The following ITSN2 variants were observed in gnomAD, a reference collection of about 807,000 sequenced individuals.
The protein encoded by ITSN2 is intersectin-2.
ITSN2 carries 156 observed loss-of-function variants against 243.7 expected under a neutral mutation model. The observed-to-expected ratio is 0.64, with a 90% CI of 0.56 to 0.73. The LOEUF (loss-of-function observed/expected upper bound fraction) is 0.73, where lower values mean the gene tolerates loss of function less well. ITSN2 is among the 30% of genes least tolerant of loss of function. ITSN2 has a pLI of 0.00. For synonymous variants in ITSN2, 703 were observed against 699.9 expected, an observed-to-expected ratio of 1.00 and a Z score of -0.07; for missense variants, 1,801 against 1,996.1, an observed-to-expected ratio of 0.90 and a Z score of 1.86.
At chr2:24,303,745 T>C in intron 9 of ITSN2, 54 bp downstream of exon 9, 1 of 1,102,906 alleles carries the variant, frequency 9.1e-7, no homozygotes, top group Non-Finnish European at 1.4e-6. Context: ...AGAGAGAGTT[T>C]AATTAATTAA....
At chr2:24,323,473 A>C (rs1165593915) in intron 2 of ITSN2, among the ~76,000 whole-genome samples, 1 of 152,228 alleles carries the variant, frequency 6.6e-6, no homozygotes, top group Non-Finnish European at 1.5e-5. Context: ...GAAGCCAGAC[A>C]CCAAAGGCTA....
At chr2:24,264,375 C>T (rs910058648) in intron 20 of ITSN2, among the ~76,000 whole-genome samples, 2 of 147,808 alleles carry the variant, frequency 1.4e-5, no homozygotes, top group Non-Finnish European at 3.0e-5. Context: ...GCAACAAGAG[C>T]GAAACTCTGT....
At chr2:24,305,327 C>T (rs1393408457) in intron 8 of ITSN2, among the ~76,000 whole-genome samples, 1 of 152,036 alleles carries the variant, frequency 6.6e-6, no homozygotes, top group Non-Finnish European at 1.5e-5. Flanking sequence ...AGTGGACAGG[C>T]GCGGTAGCTC....
At chr2:24,307,433 T>C (rs1682696850) in intron 8 of ITSN2, among the ~76,000 whole-genome samples, 3 of 152,024 alleles carry the variant, frequency 2.0e-5, no homozygotes, top group South Asian at 4.1e-4. Flanking sequence ...TTATGTAATA[T>C]GAAATACATG....
At chr2:24,206,357 T>TG (rs940716389) in intron 37 of ITSN2, 12 of 356,096 alleles carry the variant, frequency 3.4e-5, no homozygotes, top group East Asian at 2.2e-4. Flanking sequence ...GCAGGCTGCA[T>TG]GGGGGGGCCC....
Position 24,252,501 on chromosome 2 carries a change from T to G in ITSN2, c.2964A>C (p.Ala988=), listed in dbSNP as rs781649156. 6.8e-6 allele frequency: 11 copies of G among 1,610,072 alleles called. No homozygotes were observed. The African/African-American group carries it at 1.5e-4, about 22-fold the overall frequency. ...GTTCCACACTTGAATATGGATAAAG[T>G]GCAATATATTCTGTAGGGAACAAAG... ...AAYSVGEEYI[A]LYPYSSVEPG... is the part of the protein sequence containing the mutation. The change falls in exon 25 of 40, where the codon GCA becomes GCC. Residue 988 remains alanine (A), a synonymous_variant. Transcript: ENST00000355123.
chr2:24,243,969 T>C (rs1177588675), intron 29 of ITSN2, among the ~76,000 whole-genome samples: 6 of 152,234 alleles, frequency 3.9e-5, no homozygotes, highest in Non-Finnish European at 7.3e-5. Flanking sequence ...GACTGTTTTC[T>C]GTATTGCATA....
At chr2:24,347,947 G>A (rs1034909359) in intron 1 of ITSN2, among the ~76,000 whole-genome samples, 2 of 151,880 alleles carry the variant, frequency 1.3e-5, no homozygotes, top group African/African-American at 4.8e-5. Context: ...TGGGTGGTGT[G>A]CATCTATAGT....
At chr2:24,317,978 G>T (rs537974489) in intron 2 of ITSN2, among the ~76,000 whole-genome samples, 27 of 152,090 alleles carry the variant, frequency 1.8e-4, no homozygotes, top group African/African-American at 6.3e-4. Flanking sequence ...AGCAGTTTTA[G>T]GTTCACGGCA....
chr2:24,327,998 CAAAAA>C, intron 2 of ITSN2, 49 bp downstream of exon 2: 2 of 1,246,822 alleles, frequency 1.6e-6, no homozygotes, highest in South Asian at 1.4e-5. Flanking sequence ...AAACCTCTAC[CAAAAA>C]AAAAAAAAAT....
Position 24,202,923 on chromosome 2 carries a change from T to TAAAG in ITSN2, c.*699_*702dup, listed in dbSNP as rs1481102529. On this transcript the variant is annotated 3_prime_UTR_variant, in exon 40 of 40. Transcript: ENST00000355123. ...TGTACATATGGGCAATGATAAAGCT[T>TAAAG]AAAGATGCATGTCCTAAGAAATATG... The TAAAG allele has an allele frequency of 1.3e-5, 2 of 152,634 alleles. No homozygotes were observed. Among genetic ancestry groups the TAAAG allele is most frequent in the African/African-American group, 4.8e-5 (2 of 41,444 alleles). 9.5% of individuals were successfully genotyped at this position (152,634 alleles called of 1,614,324 possible). A position where few individuals can be genotyped will look rare whatever the true frequency, so the allele number is the denominator to read the frequency against.
intron 10 of ITSN2, among the ~76,000 whole-genome samples, 179 bp downstream of exon 10, chr2:24,301,786 G>C (rs1443142191): frequency 6.6e-6 from 1 of 152,124 alleles, no homozygotes; most frequent in Non-Finnish European, 1.5e-5. Flanking sequence ...TTGGCTCCCA[G>C]TGTTATGATT....
At chr2:24,345,105 T>C (rs192681927) in intron 1 of ITSN2, among the ~76,000 whole-genome samples, 11 of 152,310 alleles carry the variant, frequency 7.2e-5, no homozygotes, top group Admixed American at 6.5e-4. Context: ...CTCCAGCTTT[T>C]ACACTTATTA....
At chr2:24,295,867 G>C in intron 13 of ITSN2, 63 bp from the exon 14 acceptor site, 1 of 1,182,000 alleles carries the variant, frequency 8.5e-7, no homozygotes, top group Non-Finnish European at 1.2e-6. Flanking sequence ...TTTCTACAAG[G>C]AGAATAATAT....
intron 24 of ITSN2, 97 bp from the exon 25 acceptor site, chr2:24,252,608 C>A: frequency 1.3e-6 from 1 of 755,664 alleles, no homozygotes; most frequent in South Asian, 3.2e-5. Flanking sequence ...TATAAGTTTG[C>A]TGTAAAAGAC....
chr2:24,284,691 GA>G, intron 17 of ITSN2, 71 bp downstream of exon 17: 1 of 870,510 alleles, frequency 1.1e-6, no homozygotes, highest in Non-Finnish European at 1.9e-6. Context: ...TAAAGGCAAA[GA>G]ATAGTCTAGT....
In ITSN2 at chr2:24,248,845, T is replaced by G; in HGVS notation, c.3158A>C (p.Lys1053Thr). 6.2e-7 allele frequency: 1 copy of G among 1,613,828 alleles called. No individual in the cohort carries two copies. Among genetic ancestry groups the G allele is most frequent in the Non-Finnish European group, 8.5e-7 (1 of 1,179,802 alleles). The change falls in exon 26 of 40, where the codon AAA becomes ACA. Residue 1053 changes from lysine (K) to threonine (T), a missense_variant. Coordinates refer to ENST00000355123, the MANE Select transcript of ITSN2 (RefSeq NM_006277.3). ...ATCACTACTATACGTACCAGGTTTT[T>G]TATTTGATGCTCCAGACTTGCTAGC... ...GSASKSGASN[K>T]KPEIAQVTSA...
At chr2:24,215,266 T>TC (rs1315258712) in intron 32 of ITSN2, among the ~76,000 whole-genome samples, 1 of 152,256 alleles carries the variant, frequency 6.6e-6, no homozygotes, top group Non-Finnish European at 1.5e-5. Flanking sequence ...TTATATATTA[T>TC]CCTAATTCCT....
intron 27 of ITSN2, among the ~76,000 whole-genome samples, chr2:24,248,153 G>A (rs748442821): frequency 4.0e-5 from 6 of 151,106 alleles, no homozygotes; most frequent in Non-Finnish European, 7.4e-5. Flanking sequence ...ATCTATTAAC[G>A]TTTTAGGGAA....
Sources: allele counts gnomAD v4.1 joint callset (sites outside exome capture counted in the v4.1 genomes callset), GRCh38; gene constraint gnomAD v4.1.1; transcripts MANE v1.5; gene names NCBI Gene and HGNC (gene_info 2026-07-23, HGNC 2026-07-21).